TNP2: variants seen among roughly 807,000 people sequenced by gnomAD.
TNP2 encodes the protein transition protein 2.
In TNP2, 10 loss-of-function variants were observed where a neutral mutation model predicts 8.5. The observed-to-expected ratio is 1.17, with a 90% confidence interval of 0.72 to 1.99. The LOEUF is 1.99. Among genes scored for constraint, TNP2 ranks in the 30% most tolerant of loss-of-function variants. The pLI, the probability that TNP2 is intolerant of heterozygous loss-of-function variation, is 0.00. For synonymous variants in TNP2, 80 were observed against 62.3 expected (o/e 1.28, Z -1.34); for missense variants, 222 against 181.2 (o/e 1.23, Z -1.29).
rs142773701 is a variant in TNP2 at position 11,268,275 on chromosome 16, A to G, written c.401-263T>C. ...CAACATTTCTTTCCCATTCTATCCC[A>G]TTAGTCTAGATATCTATTCTTCTCT... On this transcript the variant is annotated intron_variant, in intron 1 of 1. Transcript: ENST00000312693. The G allele has an allele frequency of 6.8e-6, 3 of 444,020 alleles. No individual in the cohort carries two copies. In the East Asian group the frequency reaches 1.2e-4, roughly 18 times the overall value. The allele number at this position is 444,020 out of a possible 1,614,324, so 27.5% of individuals were successfully genotyped here.
At chr16:11,268,082 C>G in intron 1 of TNP2, 70 bp from the exon 2 acceptor site, 1 of 1,473,464 alleles carries the variant, frequency 6.8e-7, no homozygotes, top group Non-Finnish European at 9.4e-7. Context: ...CCTCCTTGAC[C>G]TCCTGTAAGG....
At chr16:11,268,153 G>A (rs2069733077) in intron 1 of TNP2, 141 bp from the exon 2 acceptor site, 2 of 719,848 alleles carry the variant, frequency 2.8e-6, no homozygotes, top group Non-Finnish European at 4.6e-6. Context: ...ACTACCGTCA[G>A]TGTCCTTTTG....
Position 11,268,975 on chromosome 16 carries a change from G to C in TNP2, c.288C>G (p.Thr96=). 6.2e-7 allele frequency: 1 copy of C among 1,613,920 alleles called. No homozygotes were observed. Among genetic ancestry groups the C allele is most frequent in the Non-Finnish European group, 8.5e-7 (1 of 1,179,888 alleles). ...MNSHHSPMRP[T]ILHCRCPKNR... ...TCTTGGGGCAGCGGCAGTGCAGGAT[G>C]GTGGGCCGCATGGGAGAGTGGTGGG... Residue 96 remains threonine, a synonymous_variant, in exon 1 of 2, where the codon ACC becomes ACG. Coordinates refer to ENST00000312693, the MANE Select transcript of TNP2 (RefSeq NM_005425.5).
chr16:11,268,077 T>G, intron 1 of TNP2, 65 bp from the exon 2 acceptor site: 1 of 1,512,132 alleles, frequency 6.6e-7, no homozygotes, highest in Non-Finnish European at 9.2e-7. Context: ...AGTGACCTCC[T>G]TGACCTCCTG....
rs752854059 is a variant in TNP2, at chr16:11,269,187, A to C, written c.76T>G (p.Cys26Gly). The change falls in exon 1 of 2, where the codon TGC becomes GGC. Residue 26 changes from cysteine to glycine, a missense_variant. Transcript: ENST00000312693. ...CTGAAGGTTTGGCAATGGCGGGTGC[A>C]GGTGCGGCTTTGGGGCTGAGAGTTG... is the stretch of plus-strand genomic sequence containing the variant. Reference protein sequence around the residue: ...HSNSQPQSRTCTRHCQTFSQS... With the variant: ...HSNSQPQSRTGTRHCQTFSQS... The C allele has an allele frequency of 5.4e-5, 87 of 1,612,100 alleles. 1 individual carries two copies. The South Asian group carries it at 6.0e-4, about 11-fold the overall frequency.
chr16:11,268,242 C>A, intron 1 of TNP2: 1 of 498,600 alleles, frequency 2.0e-6, no homozygotes, highest in South Asian at 2.5e-5. Context: ...TCATTCCATT[C>A]ATTTATTCAA....
chr16:11,269,134 G>T lies in TNP2; in HGVS notation c.129C>A (p.Gly43=), dbSNP rs35698630. 5,995 of 1,613,938 alleles carry T rather than the reference G, an allele frequency of 3.7e-3. 182 individuals are homozygous for T. In the African/African-American group the frequency reaches 0.071, roughly 19 times the overall value. Residue 43 remains glycine (G), a synonymous_variant, in exon 1 of 2, where the codon GGC becomes GGA. Coordinates refer to ENST00000312693, the MANE Select transcript of TNP2 (RefSeq NM_005425.5). ...TCTGGCTGGAGCTCTGGCTCCGGCT[G>T]CCACGATGGCTCTGTCTGCAACTCT... ...FSQSCRQSHR[G]SRSQSSSQSP...
chr16:11,268,054 A>C (rs764738025), intron 1 of TNP2, 42 bp from the exon 2 acceptor site: 3 of 1,604,960 alleles, frequency 1.9e-6, no homozygotes, highest in African/African-American at 2.7e-5. Context: ...ATAGCTGAGC[A>C]CTTCATGAAG....
chr16:11,267,880 A>T lies in TNP2; in HGVS notation c.*116T>A. ...GATAGTCTTCCAGGTACAAGCTTTA[A>T]TTAGTGTTGCGTAGAAATCACCATA... On this transcript the variant is annotated 3_prime_UTR_variant, in exon 2 of 2. Transcript: ENST00000312693. The T allele has an allele frequency of 8.7e-7, 1 of 1,143,426 alleles. No homozygotes were observed. Among genetic ancestry groups the T allele is most frequent in the Non-Finnish European group, 1.3e-6 (1 of 790,628 alleles). 70.8% of individuals were successfully genotyped at this position (1,143,426 alleles called of 1,614,324 possible). A position where few individuals can be genotyped will look rare whatever the true frequency, so the allele number is the denominator to read the frequency against.
Position 11,268,832 on chromosome 16 carries a change from G to C in TNP2, c.400+31C>G, listed in dbSNP as rs536679311. 4 of 1,519,620 alleles carry C rather than the reference G, an allele frequency of 2.6e-6. No homozygotes were observed. In the South Asian group the frequency reaches 4.0e-5, roughly 15 times the overall value. The allele number at this position is 1,519,620 out of a possible 1,614,324, so 94.1% of individuals were successfully genotyped here. On this transcript the variant is annotated intron_variant, in intron 1 of 1. Coordinates refer to ENST00000312693, the MANE Select transcript of TNP2 (RefSeq NM_005425.5). Reference sequence around the variant, plus strand: ...TCTGCTCTCCATCATCTGTGGGCTCGGTGGCCCTTCCCCACCTCCTTAAAG... The same window carrying C: ...TCTGCTCTCCATCATCTGTGGGCTCCGTGGCCCTTCCCCACCTCCTTAAAG...
intron 1 of TNP2, 182 bp from the exon 2 acceptor site, chr16:11,268,194 A>G (rs1340356876): frequency 2.5e-5 from 14 of 560,220 alleles, no homozygotes; most frequent in Admixed American, 7.2e-5. Context: ...CCATCCATTT[A>G]TCCCTTCCAT....
chr16:11,268,925 A>C lies in TNP2; in HGVS notation c.338T>G (p.Leu113Arg). Residue 113 changes from leucine to arginine, a missense_variant, in exon 1 of 2, where the codon CTG becomes CGG. Physicochemically the swap from Leu to Arg is moderately radical, Grantham distance 102 (BLOSUM62 -2). Transcript: ENST00000312693. ...PKNRKNLEGKLKKKKMAKRIQ... is the reference protein window; with the variant it reads ...PKNRKNLEGKRKKKKMAKRIQ... ...CCTCTTGGCCATTTTTTTCTTTTTCAGCTTGCCTTCCAAGTTCTTTCTGTT... is the reference window on the plus strand; with the variant it reads ...CCTCTTGGCCATTTTTTTCTTTTTCCGCTTGCCTTCCAAGTTCTTTCTGTT... The C allele has an allele frequency of 1.2e-6, 2 of 1,605,002 alleles. No homozygotes were observed. Among genetic ancestry groups the C allele is most frequent in the South Asian group, 2.2e-5 (2 of 89,742 alleles).
At position 11,268,275 on chromosome 16, in the gene TNP2, A is replaced by T. The variant is rs142773701; in HGVS notation, c.401-263T>A. ...CAACATTTCTTTCCCATTCTATCCC[A>T]TTAGTCTAGATATCTATTCTTCTCT... is the stretch of plus-strand genomic sequence containing the variant. On this transcript the variant is annotated intron_variant, in intron 1 of 1. Coordinates refer to ENST00000312693, the MANE Select transcript of TNP2 (RefSeq NM_005425.5). 2,492 of 444,002 alleles carry T rather than the reference A, an allele frequency of 5.6e-3. 64 individuals carry two copies. The highest frequency in any genetic ancestry group is 0.047 in the African/African-American group (2,362 of 50,714). The allele number at this position is 444,002 out of a possible 1,614,324, so 27.5% of individuals were successfully genotyped here.
Position 11,269,293 on chromosome 16 carries a change from C to T in TNP2, c.-31G>A. 6.3e-7 allele frequency: 1 copy of T among 1,574,942 alleles called. No homozygotes were observed. Among genetic ancestry groups the T allele is most frequent in the Non-Finnish European group, 8.6e-7 (1 of 1,166,488 alleles). On this transcript the variant is annotated 5_prime_UTR_variant, in exon 1 of 2. Coordinates refer to ENST00000312693, the MANE Select transcript of TNP2 (RefSeq NM_005425.5). ...GCCACGTTTGGAGGGGCAGGGCCTCCTCCTCATCCTCTCCCAGCAGGCCTA... is the reference window on the plus strand; with the variant it reads ...GCCACGTTTGGAGGGGCAGGGCCTCTTCCTCATCCTCTCCCAGCAGGCCTA...
At chr16:11,268,121 A>G in intron 1 of TNP2, 109 bp from the exon 2 acceptor site, 2 of 1,023,572 alleles carry the variant, frequency 2.0e-6, no homozygotes, top group South Asian at 1.5e-5. Context: ...GTGATTGAAT[A>G]TGGGACATAG....
rs1224582402 is a variant in TNP2, at chr16:11,269,003, T to C, written c.260A>G (p.Asn87Ser). The C allele has an allele frequency of 6.2e-7, 1 of 1,613,346 alleles. No homozygotes were observed. The highest frequency in any genetic ancestry group is 1.3e-5 in the African/African-American group (1 of 74,700). ...PPPKRHKKTM[N>S]SHHSPMRPTI... ...GGGCCGCATGGGAGAGTGGTGGGAG[T>C]TCATAGTCTTTTTGTGGCGCTTTGG... The change falls in exon 1 of 2, where the codon AAC becomes AGC. Residue 87 changes from asparagine (N) to serine (S), a missense_variant. By Grantham distance (46) the Asn-to-Ser change is conservative. Coordinates refer to ENST00000312693, the MANE Select transcript of TNP2 (RefSeq NM_005425.5).
At position 11,268,936 on chromosome 16, in the gene TNP2, C is replaced by T. The variant is rs781191165; in HGVS notation, c.327G>A (p.Leu109=). 1.9e-6 allele frequency: 3 copies of T among 1,610,254 alleles called. No homozygotes were observed. Among genetic ancestry groups the T allele is most frequent in the Admixed American group, 3.4e-5 (2 of 58,810 alleles). Residue 109 remains leucine (L), a synonymous_variant, in exon 1 of 2, where the codon TTG becomes TTA. Coordinates refer to ENST00000312693, the MANE Select transcript of TNP2 (RefSeq NM_005425.5). The part of the protein sequence containing the change: ...HCRCPKNRKN[L]EGKLKKKKMA... ...TTTTTTTCTTTTTCAGCTTGCCTTC[C>T]AAGTTCTTTCTGTTCTTGGGGCAGC... is the stretch of plus-strand genomic sequence containing the variant.
chr16:11,269,017 G>T lies in TNP2; in HGVS notation c.246C>A (p.His82Gln), dbSNP rs200838754. The T allele has an allele frequency of 6.8e-6, 11 of 1,613,804 alleles. No homozygotes were observed. Among genetic ancestry groups the T allele is most frequent in the Non-Finnish European group, 9.3e-6 (11 of 1,179,888 alleles). ...SPNTSPPPKR[H>Q]KKTMNSHHSP... ...AGTGGTGGGAGTTCATAGTCTTTTTGTGGCGCTTTGGTGGTGGACTAGTGT... is the reference window on the plus strand; with the variant it reads ...AGTGGTGGGAGTTCATAGTCTTTTTTTGGCGCTTTGGTGGTGGACTAGTGT... The change falls in exon 1 of 2, where the codon CAC becomes CAA. Residue 82 changes from histidine to glutamine, a missense_variant. Transcript: ENST00000312693.
In TNP2 at chr16:11,268,549, C is replaced by T. The variant is rs530952253; in HGVS notation, c.400+314G>A. On this transcript the variant is annotated intron_variant, in intron 1 of 1. Transcript: ENST00000312693. The stretch of plus-strand genomic sequence containing the variant: ...TCAGCCAATGCATTCTTCCAACTAT[C>T]CTTTCTATAACCTATTTATTGTTTA... 10 of 417,694 alleles carry T rather than the reference C, an allele frequency of 2.4e-5. No homozygotes were observed. In the Admixed American group the frequency reaches 2.7e-4, roughly 11 times the overall value. The allele number at this position is 417,694 out of a possible 1,614,324, so 25.9% of individuals were successfully genotyped here. A position where few individuals can be genotyped will look rare whatever the true frequency, so the allele number is the denominator to read the frequency against.
Sources: gnomAD v4.1 joint callset for allele counts on GRCh38, gnomAD v4.1.1 for gene constraint, MANE v1.5 for transcripts, NCBI Gene and HGNC (gene_info 2026-07-23, HGNC 2026-07-21) for gene names.